TPRG1: variants seen among roughly 807,000 people sequenced by gnomAD.
The protein encoded by TPRG1 is tumor protein p63 regulated 1.
Under a neutral mutation model 29.3 loss-of-function variants are expected in TPRG1, and 29 were observed. That is an observed-to-expected ratio of 0.99 (90% CI 0.74 to 1.35). TPRG1 has a LOEUF of 1.35. Among genes scored for constraint, TPRG1 ranks in the 40% most tolerant of loss-of-function variants. The pLI is 0.00. For synonymous variants in TPRG1, 130 were observed against 116.8 expected (o/e 1.11, Z -0.73); for missense variants, 327 against 335.0 (o/e 0.98, Z 0.19).
chr3:189,017,821 G>T (rs1045851688), intron 3 of TPRG1, among the ~76,000 whole-genome samples: 23 of 152,134 alleles, frequency 1.5e-4, no homozygotes, highest in Non-Finnish European at 3.2e-4. Context: ...TTCCACAAGG[G>T]ATGAACTAGT....
At chr3:189,204,985 T>C (rs1417887970) in intron 1 of TPRG1, among the ~76,000 whole-genome samples, 1 of 117,650 alleles carries the variant, frequency 8.5e-6, no homozygotes, top group Admixed American at 8.7e-5. Flanking sequence ...ACATACACTC[T>C]TTCTCCTGCT....
chr3:189,318,383 C>A (rs1166181095), intron 5 of TPRG1, among the ~76,000 whole-genome samples: 2 of 152,084 alleles, frequency 1.3e-5, no homozygotes, highest in East Asian at 3.9e-4. Context: ...AAAAAAAGGT[C>A]AACTTTTCCC....
intron 5 of TPRG1, among the ~76,000 whole-genome samples, chr3:189,159,976 C>T (rs754472485): frequency 6.6e-6 from 1 of 151,806 alleles, no homozygotes. Flanking sequence ...GAGATTGTCA[C>T]TCTATGATTA....
chr3:189,027,446 C>T (rs968060226), intron 4 of TPRG1, among the ~76,000 whole-genome samples: 3 of 152,200 alleles, frequency 2.0e-5, no homozygotes, highest in Admixed American at 6.5e-5. Flanking sequence ...CATTTTTCTG[C>T]ATTCAACTTG....
At chr3:189,308,838 C>A (rs1191711965) in intron 4 of TPRG1, among the ~76,000 whole-genome samples, 1 of 151,982 alleles carries the variant, frequency 6.6e-6, no homozygotes, top group Non-Finnish European at 1.5e-5. Context: ...TGGACTCAAT[C>A]CAGAATGCTC....
At chr3:189,089,641 A>G (rs1718206305) in intron 4 of TPRG1, among the ~76,000 whole-genome samples, 1 of 152,078 alleles carries the variant, frequency 6.6e-6, no homozygotes, top group Non-Finnish European at 1.5e-5. Flanking sequence ...CATGGTGGGG[A>G]GGCTGAGCAA....
intron 3 of TPRG1, among the ~76,000 whole-genome samples, chr3:189,218,263 G>A (rs567003084): frequency 6.6e-6 from 1 of 151,914 alleles, no homozygotes; most frequent in African/African-American, 2.4e-5. Flanking sequence ...ACAGGCACCC[G>A]CCACCACACC....
intron 4 of TPRG1, among the ~76,000 whole-genome samples, chr3:189,062,966 A>G (rs1341292917): frequency 1.3e-5 from 2 of 152,102 alleles, no homozygotes; most frequent in Non-Finnish European, 2.9e-5. Context: ...AATCAAAGAA[A>G]GAGATTGGTA....
intron 1 of TPRG1, among the ~76,000 whole-genome samples, chr3:189,110,346 A>G (rs1227449452): frequency 6.6e-6 from 1 of 152,184 alleles, no homozygotes; most frequent in East Asian, 1.9e-4. Context: ...TTTGCCATTT[A>G]TATTTATGAT....
intron 5 of TPRG1, among the ~76,000 whole-genome samples, chr3:189,315,317 AG>A (rs1222424482): frequency 7.2e-4 from 99 of 137,270 alleles, no homozygotes; most frequent in Non-Finnish European, 1.2e-3. Context: ...TGTGTGTGTA[AG>A]GGGGGGTGAG....
intron 4 of TPRG1, among the ~76,000 whole-genome samples, chr3:189,266,539 G>A (rs767650051): frequency 6.6e-6 from 1 of 152,094 alleles, no homozygotes; most frequent in Non-Finnish European, 1.5e-5. Context: ...GAGAGCCAAA[G>A]CCTTAATAAT....
intron 1 of TPRG1, among the ~76,000 whole-genome samples, chr3:189,113,625 T>C (rs2108492611): frequency 6.6e-6 from 1 of 152,262 alleles, no homozygotes; most frequent in East Asian, 1.9e-4. Flanking sequence ...TCTGCATCTA[T>C]TGAGATAATC....
intron 1 of TPRG1, among the ~76,000 whole-genome samples, chr3:189,181,345 G>C (rs1025511205): frequency 5.9e-5 from 9 of 152,116 alleles, no homozygotes; most frequent in Non-Finnish European, 1.2e-4. Context: ...TCTCAGTCAG[G>C]CTGCAAATTT....
intron 3 of TPRG1, among the ~76,000 whole-genome samples, chr3:189,012,168 T>C (rs551039765): frequency 2.6e-5 from 4 of 152,358 alleles, no homozygotes; most frequent in Admixed American, 1.3e-4. Context: ...TCCAATACTA[T>C]GTTGAATAGG....
chr3:189,198,914 A>G (rs1733000275), intron 1 of TPRG1, among the ~76,000 whole-genome samples: 1 of 152,200 alleles, frequency 6.6e-6, no homozygotes, highest in Non-Finnish European at 1.5e-5. Flanking sequence ...TCTCTAGTCA[A>G]TATCTTTGTC....
At chr3:189,105,749 G>T (rs1719743546) in intron 1 of TPRG1, among the ~76,000 whole-genome samples, 1 of 152,084 alleles carries the variant, frequency 6.6e-6, no homozygotes, top group Non-Finnish European at 1.5e-5. Flanking sequence ...GGAATAGAGG[G>T]TGTCAAAAAT....
chr3:189,183,332 G>C (rs998620550), intron 1 of TPRG1, among the ~76,000 whole-genome samples: 1 of 152,100 alleles, frequency 6.6e-6, no homozygotes, highest in South Asian at 2.1e-4. Flanking sequence ...GTAGAATATC[G>C]CAAGGCAAAT....
At chr3:189,100,561 C>A (rs1413376300) in intron 1 of TPRG1, among the ~76,000 whole-genome samples, 1 of 152,190 alleles carries the variant, frequency 6.6e-6, no homozygotes, top group Non-Finnish European at 1.5e-5. Flanking sequence ...CACAGTGTGT[C>A]TTCCATTGCA....
chr3:188,999,755 G>T (rs1241941853), intron 1 of TPRG1, among the ~76,000 whole-genome samples: 1 of 151,870 alleles, frequency 6.6e-6, no homozygotes, highest in Non-Finnish European at 1.5e-5. Context: ...TTATATAATA[G>T]GTCTCCCCAC....
Sources: gnomAD v4.1 joint callset for allele counts (sites outside exome capture counted in the v4.1 genomes callset) on GRCh38, gnomAD v4.1.1 for gene constraint, MANE v1.5 for transcripts, NCBI Gene and HGNC (gene_info 2026-07-23, HGNC 2026-07-21) for gene names.